Variants in WWOX observed in about 807,000 individuals in gnomAD.
The protein encoded by WWOX is WW domain-containing oxidoreductase.
In WWOX, 69 loss-of-function variants were observed where a neutral mutation model predicts 46.2. That is an observed-to-expected ratio of 1.49 (90% confidence interval 1.23 to 1.82). The LOEUF is 1.82. Ranked by LOEUF, WWOX falls within the 40% of genes most tolerant of loss-of-function variation. The pLI, the probability that WWOX is intolerant of heterozygous loss-of-function variation, is 0.00. For missense variants in WWOX, 919 were observed against 542.6 expected (o/e 1.69, Z -6.89); for synonymous variants, 359 against 202.6 (o/e 1.77, Z -6.56).
At chr16:78,173,958 T>TGAAA (rs1555547989) in intron 5 of WWOX, among the ~76,000 whole-genome samples, 6 of 145,986 alleles carry the variant, frequency 4.1e-5, no homozygotes, top group Admixed American at 1.4e-4. Flanking sequence ...TGAGAGGAAT[T>TGAAA]GAGAGAGAGA....
At chr16:78,694,824 CT>C (rs201555301) in intron 8 of WWOX, among the ~76,000 whole-genome samples, 3,408 of 147,780 alleles carry the variant, frequency 0.023, 268 homozygotes, top group Admixed American at 0.16. Context: ...CCCCACTACT[CT>C]TTTTTTTTTT....
At chr16:78,354,727 TTC>T (rs1342259583) in intron 5 of WWOX, among the ~76,000 whole-genome samples, 5 of 152,188 alleles carry the variant, frequency 3.3e-5, no homozygotes, top group African/African-American at 1.2e-4. Flanking sequence ...TGTCATTATG[TTC>T]TCTCATTCTG....
In WWOX at chr16:78,435,519, A is replaced by T. The variant is rs180949417; in HGVS notation, c.1056+2767A>T. ...TCCCTGAGTGAGAAAGCTGTGGGAA[A>T]ATGAGTGTGTAGCTCATGAGAGGGT... On this transcript the variant is annotated intron_variant, in intron 8 of 8. Coordinates refer to ENST00000566780, the MANE Select transcript of WWOX (RefSeq NM_016373.4). Among the ~76,000 whole-genome samples, 284 of 152,294 alleles carry T rather than the reference A, an allele frequency of 1.9e-3. 1 individual carries two copies. The highest frequency in any genetic ancestry group is 6.4e-3 in the African/African-American group (264 of 41,574).
chr16:78,860,016 T>C (rs1424595281), intron 8 of WWOX, among the ~76,000 whole-genome samples: 1 of 152,218 alleles, frequency 6.6e-6, no homozygotes, highest in Admixed American at 6.5e-5. Context: ...AATAGCATTT[T>C]CACGAGTAAA....
At chr16:79,203,158 A>G (rs1048920243) in intron 8 of WWOX, 27 of 152,206 alleles carry the variant, frequency 1.8e-4, no homozygotes, top group African/African-American at 6.5e-4. Flanking sequence ...TTACCCATCG[A>G]CCACTGTGAA....
rs563708982 is a variant in WWOX at position 79,034,846 on chromosome 16, G to A, written c.1057-176762G>A. Among the ~76,000 whole-genome samples, 41 of 152,126 alleles carry A rather than the reference G, an allele frequency of 2.7e-4. 1 individual carries two copies. Among genetic ancestry groups the A allele is most frequent in the African/African-American group, 9.6e-4 (40 of 41,516 alleles). ...TTCCAGTCTCCCGAGTAGTGTATTA[G>A]GCTAAGTATGGTCTTTTAAATTATT... On this transcript the variant is annotated intron_variant, in intron 8 of 8. Coordinates refer to ENST00000566780, the MANE Select transcript of WWOX (RefSeq NM_016373.4).
rs1427154169 is a variant in WWOX, at chr16:78,434,088, CT to C, written c.1056+1337del. On this transcript the variant is annotated intron_variant, in intron 8 of 8. Coordinates refer to ENST00000566780, the MANE Select transcript of WWOX (RefSeq NM_016373.4). ...ACAGGCGTGAGCCACCGCGCCCGGC[CT>C]GGGGATGACTTTTAAAACCACATCA... Among the ~76,000 whole-genome samples, 6 of 152,150 alleles carry C rather than the reference CT, an allele frequency of 3.9e-5. No individual in the cohort carries two copies. In the East Asian group the frequency reaches 9.6e-4, roughly 24 times the overall value.
intron 8 of WWOX, among the ~76,000 whole-genome samples, chr16:79,015,661 C>T (rs2047398794): frequency 6.6e-6 from 1 of 152,118 alleles, no homozygotes; most frequent in African/African-American, 2.4e-5. Context: ...GTCCCTAGTC[C>T]CTGTCTCCGT....
chr16:78,977,943 T>C (rs1323599140), intron 8 of WWOX, among the ~76,000 whole-genome samples: 2 of 151,128 alleles, frequency 1.3e-5, no homozygotes, highest in African/African-American at 4.9e-5. Flanking sequence ...GACAGTTCAA[T>C]AGCAGTACAT....
chr16:78,264,788 A>G (rs1013431130), intron 5 of WWOX: 7 of 152,678 alleles, frequency 4.6e-5, no homozygotes, highest in African/African-American at 1.4e-4. Flanking sequence ...GCAAGAAAGC[A>G]CATACAGGAA....
intron 8 of WWOX, among the ~76,000 whole-genome samples, chr16:78,604,020 T>G (rs545053332): frequency 1.3e-5 from 2 of 152,250 alleles, no homozygotes; most frequent in South Asian, 4.1e-4. Context: ...GGCACACACC[T>G]ATAGTCCCAG....
chr16:78,632,252 T>G (rs1290642295), intron 8 of WWOX, among the ~76,000 whole-genome samples: 2 of 152,162 alleles, frequency 1.3e-5, no homozygotes, highest in Non-Finnish European at 2.9e-5. Context: ...CTACTAGTAT[T>G]TGCTTCCAGG....
chr16:78,426,485 A>G (rs1010052331), intron 7 of WWOX, among the ~76,000 whole-genome samples: 5 of 152,140 alleles, frequency 3.3e-5, no homozygotes, highest in Admixed American at 1.3e-4. Context: ...TACTTCAGAG[A>G]TCCAAATCTC....
intron 8 of WWOX, among the ~76,000 whole-genome samples, chr16:78,882,117 G>C (rs1353013384): frequency 6.6e-6 from 1 of 152,078 alleles, no homozygotes; most frequent in Non-Finnish European, 1.5e-5. Flanking sequence ...CAGAGCAAGA[G>C]TCCATTTACA....
At chr16:79,097,145 G>T (rs539210353) in intron 8 of WWOX, among the ~76,000 whole-genome samples, 6 of 152,058 alleles carry the variant, frequency 3.9e-5, no homozygotes, top group Middle Eastern at 3.4e-3. Flanking sequence ...AGGAATACAT[G>T]TAGGGTGAAG....
chr16:78,692,386 G>C (rs1162313959), intron 8 of WWOX, among the ~76,000 whole-genome samples: 5 of 152,192 alleles, frequency 3.3e-5, no homozygotes, highest in South Asian at 2.1e-4. Context: ...CCTTACCAAA[G>C]TGTACATTGC....
In WWOX at chr16:79,107,935, C is replaced by T. The variant is rs530150199; in HGVS notation, c.1057-103673C>T. ...AAAATGATTAGGGACATGGTGAAGT[C>T]GTCATAGAATAAAATTAAGTGAAAA... On this transcript the variant is annotated intron_variant, in intron 8 of 8. Coordinates refer to ENST00000566780, the MANE Select transcript of WWOX (RefSeq NM_016373.4). Among the ~76,000 whole-genome samples the T allele has an allele frequency of 1.7e-4, 26 of 152,174 alleles. No individual in the cohort carries two copies. In the South Asian group the frequency reaches 4.8e-3, roughly 28 times the overall value.
intron 8 of WWOX, among the ~76,000 whole-genome samples, chr16:78,787,540 A>G (rs1249803838): frequency 6.6e-6 from 1 of 152,110 alleles, no homozygotes; most frequent in Non-Finnish European, 1.5e-5. Context: ...ACATGGATAT[A>G]CCACTTTTTG....
chr16:79,039,759 A>ACTT (rs2047936307), intron 8 of WWOX, among the ~76,000 whole-genome samples: 1 of 152,064 alleles, frequency 6.6e-6, no homozygotes, highest in Admixed American at 6.6e-5. Flanking sequence ...AGTGGCTCTG[A>ACTT]CTTCAGTTTT....
Sources: gnomAD v4.1 joint callset for allele counts (sites outside exome capture counted in the v4.1 genomes callset) on GRCh38, gnomAD v4.1.1 for gene constraint, MANE v1.5 for transcripts, NCBI Gene and HGNC (gene_info 2026-07-23, HGNC 2026-07-21) for gene names.